Variants in PGAP1 observed in about 807,000 individuals in gnomAD.
PGAP1 encodes GPI inositol-deacylase.
In PGAP1, 76 loss-of-function variants were observed where a neutral mutation model predicts 127.0. The observed-to-expected ratio is 0.60, with a 90% confidence interval of 0.50 to 0.72. The LOEUF is 0.72. Ranked by LOEUF, PGAP1 falls within the 30% of genes least tolerant of loss-of-function variation. The pLI is 0.00. For missense variants in PGAP1, 982 were observed against 1,071.3 expected, an observed-to-expected ratio of 0.92 and a Z score of 1.16; for synonymous variants, 362 against 366.5, an observed-to-expected ratio of 0.99 and a Z score of 0.14.
rs762614938 is a variant in PGAP1, at chr2:196,847,947, C to T, written c.1952G>A (p.Gly651Glu). 1 of 1,559,644 alleles carries T rather than the reference C, an allele frequency of 6.4e-7. No homozygotes were observed. The change falls in exon 21 of 27, where the codon GGG becomes GAG. Residue 651 changes from glycine (G) to glutamate (E), a missense_variant and splice_region_variant. Gly to Glu is a moderately conservative substitution (Grantham distance 98, BLOSUM62 -2). Coordinates refer to ENST00000354764, the MANE Select transcript of PGAP1 (RefSeq NM_024989.4). ...CATTATCACAGATAATAAAACTTAC[C>T]CCAACAGAAACTTAATGATAATTAC... The part of the protein sequence containing the change: ...PFVIIIKFLL[G>E]YKWFKELWDV...
chr2:196,925,289 G>A (rs1052957487), intron 1 of PGAP1, among the ~76,000 whole-genome samples: 6 of 152,052 alleles, frequency 3.9e-5, no homozygotes, highest in Non-Finnish European at 7.4e-5. Flanking sequence ...TAATAGCAGC[G>A]TAATCAAGTA....
At chr2:196,902,805 C>A in intron 4 of PGAP1, 63 bp from the exon 5 acceptor site, 1 of 1,240,902 alleles carries the variant, frequency 8.1e-7, no homozygotes, top group East Asian at 2.4e-5. Flanking sequence ...AATAAGATAT[C>A]TATACAGTAA....
In PGAP1 at chr2:196,841,191, C is replaced by A; in HGVS notation, c.*43G>T. 2 of 1,585,874 alleles carry A rather than the reference C, an allele frequency of 1.3e-6. No individual in the cohort carries two copies. The highest frequency in any genetic ancestry group is 1.2e-5 in the South Asian group (1 of 86,174). On this transcript the variant is annotated 3_prime_UTR_variant, in exon 27 of 27. Transcript: ENST00000354764. ...TCTGTGTGTTCCCTCTTATCACTGG[C>A]CCTAAACACATAAATTATCTTCATC...
chr2:196,913,362 G>C (rs1702898427), intron 3 of PGAP1, among the ~76,000 whole-genome samples: 1 of 152,028 alleles, frequency 6.6e-6, no homozygotes, highest in Non-Finnish European at 1.5e-5. Context: ...ATTATATTTG[G>C]TATATACCAG....
At chr2:196,898,402 A>G in intron 5 of PGAP1, 33 bp from the exon 6 acceptor site, 1 of 1,490,800 alleles carries the variant, frequency 6.7e-7, no homozygotes, top group Non-Finnish European at 9.3e-7. Context: ...ACTTACGAAA[A>G]GCACATTTGT....
At chr2:196,864,386 G>A (rs921585627) in intron 20 of PGAP1, among the ~76,000 whole-genome samples, 4 of 60,978 alleles carry the variant, frequency 6.6e-5, no homozygotes, top group South Asian at 6.2e-4. Flanking sequence ...GCAAAACTAC[G>A]TCTCAAAAAA....
Position 196,834,613 on chromosome 2 carries a change from T to A in PGAP1, c.*6621A>T, listed in dbSNP as rs529442033. 6.6e-6 allele frequency: 1 copy of A among 152,520 alleles called. No homozygotes were observed. Among genetic ancestry groups the A allele is most frequent in the South Asian group, 2.1e-4 (1 of 4,828 alleles). The allele number at this position is 152,520 out of a possible 1,614,324, so 9.4% of individuals were successfully genotyped here. A position where few individuals can be genotyped will look rare whatever the true frequency, so the allele number is the denominator to read the frequency against. On this transcript the variant is annotated 3_prime_UTR_variant, in exon 27 of 27. Coordinates refer to ENST00000354764, the MANE Select transcript of PGAP1 (RefSeq NM_024989.4). ...CAATCACTTCAAAATAATATGTCAT[T>A]TTTATATTTTTAAAAATGTAAATAT...
chr2:196,839,523 C>G lies in PGAP1; in HGVS notation c.*1711G>C, dbSNP rs907459331. 6.6e-6 allele frequency: 1 copy of G among 152,152 alleles called. No individual in the cohort carries two copies. The highest frequency in any genetic ancestry group is 1.5e-5 in the Non-Finnish European group (1 of 68,030). The allele number at this position is 152,152 out of a possible 1,614,324, so 9.4% of individuals were successfully genotyped here. On this transcript the variant is annotated 3_prime_UTR_variant, in exon 27 of 27. Coordinates refer to ENST00000354764, the MANE Select transcript of PGAP1 (RefSeq NM_024989.4). Reference sequence around the variant, plus strand: ...GCACCTGTCTGCCATATCCCCACCACGAGTTTATCATTTCCCTTTAATGTT... The same window carrying G: ...GCACCTGTCTGCCATATCCCCACCAGGAGTTTATCATTTCCCTTTAATGTT...
rs1465279154 is a variant in PGAP1 at position 196,896,139 on chromosome 2, AT to A, written c.927+991del. 2.6e-5 allele frequency among the ~76,000 whole-genome samples: 4 copies of A among 152,214 alleles called. No individual in the cohort carries two copies. In the East Asian group the frequency reaches 7.7e-4, roughly 29 times the overall value. On this transcript the variant is annotated intron_variant, in intron 7 of 26. Transcript: ENST00000354764. ...AAGAAAGAGATAAAAGAGTAATGTG[AT>A]AATCTGTAAAGGATACTATGATTTC...
intron 9 of PGAP1, among the ~76,000 whole-genome samples, chr2:196,891,588 C>G (rs565006874): frequency 6.6e-6 from 1 of 152,040 alleles, no homozygotes; most frequent in Admixed American, 6.5e-5. Flanking sequence ...TGTGAGCCAA[C>G]TCACCATTCT....
At position 196,885,922 on chromosome 2, in the gene PGAP1, A is replaced by G. The variant is rs368357959; in HGVS notation, c.1174-42T>C. ...CAAAACAAAACACACTAAGTATTGT[A>G]GAAAATAATTATACAAAACAAACAC... is the stretch of plus-strand genomic sequence containing the variant. On this transcript the variant is annotated intron_variant, in intron 10 of 26. Transcript: ENST00000354764. The G allele has an allele frequency of 2.3e-6, 3 of 1,293,514 alleles. No homozygotes were observed. In the African/African-American group the frequency reaches 4.6e-5, roughly 20 times the overall value. The allele number at this position is 1,293,514 out of a possible 1,614,324, so 80.1% of individuals were successfully genotyped here. A position where few individuals can be genotyped will look rare whatever the true frequency, so the allele number is the denominator to read the frequency against.
intron 19 of PGAP1, among the ~76,000 whole-genome samples, chr2:196,869,092 CT>C (rs1413252305): frequency 5.9e-5 from 9 of 152,092 alleles, no homozygotes; most frequent in African/African-American, 2.2e-4. Flanking sequence ...CATCCTCAGT[CT>C]TTAGAAAGAT....
intron 4 of PGAP1, among the ~76,000 whole-genome samples, chr2:196,903,294 G>T (rs1702561001): frequency 6.6e-6 from 1 of 151,390 alleles, no homozygotes; most frequent in African/African-American, 2.4e-5. Context: ...TATGATGGCA[G>T]TATCCCAGCT....
chr2:196,878,566 G>T (rs540138454), intron 13 of PGAP1, among the ~76,000 whole-genome samples: 1 of 152,128 alleles, frequency 6.6e-6, no homozygotes. Context: ...GAGGTACCTA[G>T]TCTGTTTCTG....
chr2:196,844,172 C>G, intron 24 of PGAP1, 97 bp from the exon 25 acceptor site: 1 of 675,118 alleles, frequency 1.5e-6, no homozygotes, highest in African/African-American at 1.8e-5. Context: ...ATAAGTACAT[C>G]TTTCCATTAC....
chr2:196,900,650 G>T (rs1202155630), intron 5 of PGAP1, among the ~76,000 whole-genome samples: 5 of 152,140 alleles, frequency 3.3e-5, no homozygotes, highest in Non-Finnish European at 7.4e-5. Context: ...TATCAGCTGG[G>T]TGTGGTGGCT....
At chr2:196,887,799 A>C (rs1280029954) in intron 10 of PGAP1, among the ~76,000 whole-genome samples, 2 of 152,218 alleles carry the variant, frequency 1.3e-5, no homozygotes, top group Admixed American at 6.5e-5. Flanking sequence ...CTCTGTAGGC[A>C]AAATACTTGT....
At chr2:196,844,640 T>C in intron 23 of PGAP1, 66 bp from the exon 24 acceptor site, 1 of 1,132,962 alleles carries the variant, frequency 8.8e-7, no homozygotes, top group Non-Finnish European at 1.3e-6. Context: ...AGCCTTTTGG[T>C]ATTAAAAATG....
In PGAP1 at chr2:196,838,473, C is replaced by A. The variant is rs1700296442; in HGVS notation, c.*2761G>T. 6.6e-6 allele frequency: 1 copy of A among 152,190 alleles called. No homozygotes were observed. The highest frequency in any genetic ancestry group is 6.5e-5 in the Admixed American group (1 of 15,276). 9.4% of individuals were successfully genotyped at this position (152,190 alleles called of 1,614,324 possible). ...ATTTTGCTAATCTTCAAAGAGCCCA[C>A]CTTCGCATCTCTGGTAGCCAGCTGG... On this transcript the variant is annotated 3_prime_UTR_variant, in exon 27 of 27. Transcript: ENST00000354764.
Sources: allele counts gnomAD v4.1 joint callset (sites outside exome capture counted in the v4.1 genomes callset), GRCh38; gene constraint gnomAD v4.1.1; transcripts MANE v1.5; gene names NCBI Gene and HGNC (gene_info 2026-07-23, HGNC 2026-07-21).